ARFGEF1: variants seen among roughly 807,000 people sequenced by gnomAD.
ARFGEF1 encodes brefeldin A-inhibited guanine nucleotide-exchange protein 1.
In ARFGEF1, 42 loss-of-function variants were observed where a neutral mutation model predicts 231.0. The ratio of observed to expected loss-of-function variants is 0.18; its 90% CI spans 0.14 to 0.24. ARFGEF1 has a LOEUF of 0.24. Ranked by LOEUF, ARFGEF1 falls within the 10% of genes least tolerant of loss-of-function variation. The probability of loss-of-function intolerance (pLI) is 1.00; values close to 1 mark genes in which losing one functional copy is unlikely to be tolerated. For synonymous variants in ARFGEF1, 710 were observed against 732.3 expected, an observed-to-expected ratio of 0.97 and a Z score of 0.49; for missense variants, 1,345 against 2,192.0, an observed-to-expected ratio of 0.61 and a Z score of 7.72.
intron 36 of ARFGEF1, chr8:67,201,967 C>T (rs112700770): frequency 3.9e-5 from 10 of 255,946 alleles, no homozygotes; most frequent in South Asian, 1.2e-4. Flanking sequence ...CTGATGGGTC[C>T]GGTGTGTGTG....
intron 1 of ARFGEF1, among the ~76,000 whole-genome samples, chr8:67,314,358 T>C (rs1191451462): frequency 6.6e-6 from 1 of 152,188 alleles, no homozygotes; most frequent in African/African-American, 2.4e-5. Flanking sequence ...TTTACCCCCC[T>C]GCTCCTCTAG....
chr8:67,188,657 C>CCA (rs1302453448), intron 5 of ARFGEF1, among the ~76,000 whole-genome samples: 11 of 152,244 alleles, frequency 7.2e-5, no homozygotes, highest in African/African-American at 2.6e-4. Context: ...CGCTTGCTGT[C>CCA]CACCAGTGCT....
chr8:67,183,964 T>G (rs1378169608), intron 5 of ARFGEF1, among the ~76,000 whole-genome samples: 1 of 150,864 alleles, frequency 6.6e-6, no homozygotes, highest in African/African-American at 2.4e-5. Flanking sequence ...GCGATTCTCC[T>G]GACTCAGTCT....
intron 1 of ARFGEF1, among the ~76,000 whole-genome samples, chr8:67,339,798 G>GGGGGGGGGGT (rs1554652775): frequency 8.6e-5 from 7 of 81,244 alleles, no homozygotes; most frequent in African/African-American, 2.6e-4. Context: ...TGTGGGGCGG[G>GGGGGGGGGGT]GGGGGGGATT....
intron 1 of ARFGEF1, 70 bp downstream of exon 1, chr8:67,343,093 AC>A (rs1212748642): frequency 5.3e-5 from 10 of 188,198 alleles, no homozygotes; most frequent in Admixed American, 1.3e-4. Context: ...GGGCGACCCC[AC>A]CCCCCCACAG....
chr8:67,325,560 TCAGTC>T (rs1245940516), intron 1 of ARFGEF1, among the ~76,000 whole-genome samples: 11 of 152,168 alleles, frequency 7.2e-5, no homozygotes, highest in Non-Finnish European at 1.3e-4. Context: ...TCCCATCATT[TCAGTC>T]AAGTTTCCCA....
At chr8:67,256,247 G>C (rs1840449617) in intron 17 of ARFGEF1, among the ~76,000 whole-genome samples, 2 of 152,186 alleles carry the variant, frequency 1.3e-5, no homozygotes, top group Middle Eastern at 3.4e-3. Context: ...TGACTATACT[G>C]CCAAAAATAT....
chr8:67,288,943 T>C (rs1177613072), intron 6 of ARFGEF1, among the ~76,000 whole-genome samples: 1 of 147,106 alleles, frequency 6.8e-6, no homozygotes, highest in African/African-American at 2.5e-5. Flanking sequence ...CAATTTAATG[T>C]AAAAAACAAA....
At chr8:67,337,904 T>C (rs1481134371) in intron 1 of ARFGEF1, among the ~76,000 whole-genome samples, 1 of 152,236 alleles carries the variant, frequency 6.6e-6, no homozygotes, top group African/African-American at 2.4e-5. Flanking sequence ...TGAAGTAGTA[T>C]CTGGAACATA....
chr8:67,302,162 G>A (rs1461569413), intron 2 of ARFGEF1, among the ~76,000 whole-genome samples: 3 of 152,006 alleles, frequency 2.0e-5, no homozygotes, highest in Non-Finnish European at 1.5e-5. Context: ...TCACACCACC[G>A]CACTCCAGCC....
In ARFGEF1 at chr8:67,307,554, T is replaced by C. The variant is rs547677549; in HGVS notation, c.125-5088A>G. Reference sequence around the variant, plus strand: ...GGTTTTGGCTTGCATAACTGGATAATAGACGTACTTAGCCACAATGCCATT... The same window carrying C: ...GGTTTTGGCTTGCATAACTGGATAACAGACGTACTTAGCCACAATGCCATT... On this transcript the variant is annotated intron_variant, in intron 1 of 38. Transcript: ENST00000262215. 8.5e-5 allele frequency among the ~76,000 whole-genome samples: 13 copies of C among 152,264 alleles called. No individual in the cohort carries two copies. In the East Asian group the frequency reaches 1.4e-3, roughly 16 times the overall value.
chr8:67,257,858 T>C, intron 16 of ARFGEF1, 42 bp from the exon 17 acceptor site: 1 of 1,503,134 alleles, frequency 6.7e-7, no homozygotes. Context: ...TCTACTGTTT[T>C]ATATAGTTTC....
intron 5 of ARFGEF1, among the ~76,000 whole-genome samples, chr8:67,189,546 C>T (rs1835618789): frequency 6.6e-6 from 1 of 152,150 alleles, no homozygotes. Flanking sequence ...TTTAAAAACC[C>T]ATACAGTATA....
At chr8:67,229,995 A>G (rs1375690074) in intron 23 of ARFGEF1, among the ~76,000 whole-genome samples, 2 of 152,100 alleles carry the variant, frequency 1.3e-5, no homozygotes, top group Non-Finnish European at 2.9e-5. Flanking sequence ...AGAGAGAACT[A>G]TCATCAGCAA....
chr8:67,303,548 T>C (rs542824019), intron 1 of ARFGEF1, among the ~76,000 whole-genome samples: 1 of 151,934 alleles, frequency 6.6e-6, no homozygotes, highest in Non-Finnish European at 1.5e-5. Flanking sequence ...TCGTCTCTAC[T>C]AAAAACACAA....
chr8:67,190,713 C>G lies in ARFGEF1; in HGVS notation c.560+9683G>C, dbSNP rs761602177. On this transcript the variant is annotated intron_variant, in intron 5 of 5. Transcript: ENST00000518789. ...GTCCTCCCTCCACCATCACAGTTGCCCTCTGCACGGGAGCGCAGGAGGAAC... is the reference window on the plus strand; with the variant it reads ...GTCCTCCCTCCACCATCACAGTTGCGCTCTGCACGGGAGCGCAGGAGGAAC... 4 of 1,613,974 alleles carry G rather than the reference C, an allele frequency of 2.5e-6. No individual in the cohort carries two copies. The South Asian group carries it at 4.4e-5, about 18-fold the overall frequency.
chr8:67,255,529 T>C (rs1286713031), intron 17 of ARFGEF1, among the ~76,000 whole-genome samples: 3 of 152,236 alleles, frequency 2.0e-5, no homozygotes, highest in African/African-American at 7.2e-5. Flanking sequence ...AATCCACCTA[T>C]TTTTTAAGTT....
At chr8:67,328,142 T>G (rs1319671097) in intron 1 of ARFGEF1, among the ~76,000 whole-genome samples, 5 of 152,198 alleles carry the variant, frequency 3.3e-5, no homozygotes, top group African/African-American at 1.2e-4. Flanking sequence ...TAAAAGAGAA[T>G]GCCTATGTTT....
chr8:67,298,376 A>G (rs1045325050), intron 4 of ARFGEF1, among the ~76,000 whole-genome samples: 12 of 152,204 alleles, frequency 7.9e-5, no homozygotes, highest in African/African-American at 2.7e-4. Flanking sequence ...GAATTCAATC[A>G]AACAAGTACG....
Sources: gnomAD v4.1 joint callset for allele counts (sites outside exome capture counted in the v4.1 genomes callset) on GRCh38, gnomAD v4.1.1 for gene constraint, MANE v1.5 for transcripts, NCBI Gene and HGNC (gene_info 2026-07-23, HGNC 2026-07-21) for gene names.